PTPRD: variants seen among roughly 807,000 people sequenced by gnomAD.
PTPRD encodes the protein protein tyrosine phosphatase receptor type D, also known as receptor-type tyrosine-protein phosphatase delta.
In PTPRD, 34 loss-of-function variants were observed where a neutral mutation model predicts 214.5. That is an observed-to-expected ratio of 0.16 (90% CI 0.12 to 0.21). The LOEUF (loss-of-function observed/expected upper bound fraction) is 0.21. Among genes scored for constraint, PTPRD ranks in the 10% least tolerant of loss-of-function variants. The pLI is 1.00. For missense variants in PTPRD, 2,545 were observed against 2,398.7 expected (o/e 1.06, Z -1.27); for synonymous variants, 1,128 against 845.7 (o/e 1.33, Z -5.79).
chr9:9,043,912 A>G (rs1231171757), intron 10 of PTPRD, among the ~76,000 whole-genome samples: 3 of 61,390 alleles, frequency 4.9e-5, no homozygotes, highest in Non-Finnish European at 1.0e-4. Context: ...TCAAAAATAA[A>G]ATAAAATAAA....
intron 5 of PTPRD, among the ~76,000 whole-genome samples, chr9:9,936,396 A>G (rs62536902): frequency 0.035 from 5,333 of 151,346 alleles, 146 homozygotes; most frequent in East Asian, 0.17. Context: ...AAAACAACCC[A>G]ATTAAAAAGT....
chr9:9,055,440 C>T (rs765045347), intron 10 of PTPRD, among the ~76,000 whole-genome samples: 3 of 152,042 alleles, frequency 2.0e-5, no homozygotes, highest in Admixed American at 6.6e-5. Flanking sequence ...AAAATATATA[C>T]GTAATGCCAG....
In PTPRD at chr9:10,116,170, G is replaced by C. The variant is rs1290752632; in HGVS notation, c.-544-82380C>G. 2.6e-5 allele frequency among the ~76,000 whole-genome samples: 4 copies of C among 152,026 alleles called. No homozygotes were observed. The South Asian group carries it at 8.3e-4, about 32-fold the overall frequency. ...ATATCTGAACATTAAGACCATAGGA[G>C]GTTTGCAGTTGCACATTGAAATAAC... On this transcript the variant is annotated intron_variant, in intron 3 of 45. Transcript: ENST00000381196.
chr9:10,183,878 T>G (rs1458301850), intron 3 of PTPRD, among the ~76,000 whole-genome samples: 2 of 152,224 alleles, frequency 1.3e-5, no homozygotes, highest in Non-Finnish European at 2.9e-5. Flanking sequence ...AAAGGAGAGA[T>G]AACTATTATA....
intron 2 of PTPRD, among the ~76,000 whole-genome samples, chr9:10,472,598 A>G (rs2099038160): frequency 6.6e-6 from 1 of 152,122 alleles, no homozygotes; most frequent in Non-Finnish European, 1.5e-5. Flanking sequence ...GCATCTTCAC[A>G]ATGTTTGGGA....
intron 11 of PTPRD, among the ~76,000 whole-genome samples, chr9:8,968,157 T>A (rs958756751): frequency 1.3e-5 from 2 of 152,138 alleles, no homozygotes; most frequent in African/African-American, 2.4e-5. Flanking sequence ...TCTATCATTG[T>A]TGGACATTTG....
chr9:9,780,139 C>G (rs2098831629), intron 5 of PTPRD, among the ~76,000 whole-genome samples: 1 of 152,082 alleles, frequency 6.6e-6, no homozygotes. Context: ...AGACCATAAT[C>G]CTGAGTTAAC....
intron 9 of PTPRD, among the ~76,000 whole-genome samples, chr9:9,286,873 A>AAT (rs34631864): frequency 1.7e-3 from 129 of 76,920 alleles, no homozygotes; most frequent in Non-Finnish European, 2.1e-3. Flanking sequence ...GAAACTACTG[A>AAT]ATATATATAT....
At chr9:10,153,981 T>C (rs2099078077) in intron 3 of PTPRD, among the ~76,000 whole-genome samples, 1 of 152,140 alleles carries the variant, frequency 6.6e-6, no homozygotes, top group Non-Finnish European at 1.5e-5. Context: ...GAATGATTTA[T>C]AATGTTGAGG....
intron 12 of PTPRD, among the ~76,000 whole-genome samples, chr9:8,730,965 T>C (rs2098650870): frequency 1.3e-5 from 2 of 152,172 alleles, no homozygotes; most frequent in Admixed American, 1.3e-4. Flanking sequence ...AGAAATCAGA[T>C]ACAAACACAC....
At chr9:8,935,778 A>T (rs890141371) in intron 11 of PTPRD, among the ~76,000 whole-genome samples, 1 of 152,204 alleles carries the variant, frequency 6.6e-6, no homozygotes, top group African/African-American at 2.4e-5. Flanking sequence ...CAGGATAGTG[A>T]TTCTTACTAT....
chr9:9,209,023 T>C (rs769377142), intron 9 of PTPRD, among the ~76,000 whole-genome samples: 6 of 152,070 alleles, frequency 3.9e-5, no homozygotes, highest in Non-Finnish European at 8.8e-5. Flanking sequence ...TTTGCCAGGA[T>C]GGTCTCGATC....
At chr9:10,503,193 C>CAA (rs753847764) in intron 2 of PTPRD, among the ~76,000 whole-genome samples, 4,471 of 68,856 alleles carry the variant, frequency 0.065, 439 homozygotes, top group South Asian at 0.19. Flanking sequence ...AGCTGCAATA[C>CAA]AAAAAAAAAA....
chr9:10,261,269 G>A (rs1373289735), intron 3 of PTPRD, among the ~76,000 whole-genome samples: 5 of 151,596 alleles, frequency 3.3e-5, no homozygotes, highest in South Asian at 2.1e-4. Flanking sequence ...TAGAATTCAC[G>A]TGACACATGC....
At chr9:8,633,948 G>A (rs2096343537) in intron 13 of PTPRD, among the ~76,000 whole-genome samples, 1 of 151,918 alleles carries the variant, frequency 6.6e-6, no homozygotes, top group East Asian at 1.9e-4. Context: ...GGCAAACCAC[G>A]AAAAGAAATT....
At chr9:9,552,835 G>A (rs2080640681) in intron 8 of PTPRD, among the ~76,000 whole-genome samples, 1 of 152,040 alleles carries the variant, frequency 6.6e-6, no homozygotes. Context: ...AAAGTCATTT[G>A]CTGACAGTAA....
At chr9:8,869,981 G>A (rs981390589) in intron 11 of PTPRD, among the ~76,000 whole-genome samples, 13 of 152,146 alleles carry the variant, frequency 8.5e-5, no homozygotes, top group African/African-American at 1.9e-4. Flanking sequence ...AATTTGTACC[G>A]GACATTGTAG....
At chr9:8,444,781 G>A (rs946273789) in intron 34 of PTPRD, among the ~76,000 whole-genome samples, 11 of 152,166 alleles carry the variant, frequency 7.2e-5, no homozygotes, top group South Asian at 2.1e-4. Context: ...GTTCTGGGAC[G>A]GAGAGACTAA....
intron 8 of PTPRD, among the ~76,000 whole-genome samples, chr9:9,569,209 C>T (rs577798050): frequency 6.0e-4 from 91 of 150,676 alleles, no homozygotes; most frequent in Non-Finnish European, 5.2e-4. Context: ...TAGTCATTTG[C>T]GAATGTTATA....
Sources: gnomAD v4.1 joint callset for allele counts (sites outside exome capture counted in the v4.1 genomes callset) on GRCh38, gnomAD v4.1.1 for gene constraint, MANE v1.5 for transcripts, NCBI Gene and HGNC (gene_info 2026-07-23, HGNC 2026-07-21) for gene names.